The following RUFY3 variants were observed in gnomAD, a reference collection of about 807,000 sequenced individuals.
RUFY3 encodes the protein protein RUFY3.
RUFY3 carries 34 observed loss-of-function variants against 84.0 expected under a neutral mutation model. The observed-to-expected ratio is 0.40, with a 90% CI of 0.31 to 0.54. RUFY3 has a LOEUF of 0.54. RUFY3 is among the 20% of genes least tolerant of loss of function. RUFY3 has a pLI of 0.39. For missense variants in RUFY3, 507 were observed against 736.8 expected (o/e 0.69, Z 3.61); for synonymous variants, 242 against 252.9 (o/e 0.96, Z 0.41).
chr4:70,766,031 G>T (rs1401522588), intron 4 of RUFY3, among the ~76,000 whole-genome samples: 2 of 152,126 alleles, frequency 1.3e-5, no homozygotes, highest in African/African-American at 2.4e-5. Flanking sequence ...AAAGTGCTGG[G>T]ATTACAGGCG....
chr4:70,762,629 G>C lies in RUFY3; in HGVS notation c.289G>C (p.Asp97His). 2.5e-6 allele frequency: 4 copies of C among 1,613,960 alleles called. No homozygotes were observed. The highest frequency in any genetic ancestry group is 3.4e-6 in the Non-Finnish European group (4 of 1,179,972). ...ALNLGRTLDSDYAPLQQFFVV... is the reference protein window; with the variant it reads ...ALNLGRTLDSHYAPLQQFFVV... ...GAACCTGGGGAGGACTCTTGACTCT[G>C]ACTATGCACCTCTCCAGCAATTCTT... The change falls in exon 2 of 18, where the codon GAC (aspartate) becomes CAC (histidine). Residue 97 changes from aspartate to histidine, a missense_variant. Asp to His is a moderately conservative substitution (Grantham distance 81, BLOSUM62 -1). Transcript: ENST00000381006.
chr4:70,806,478 T>C (rs1732863686), intron 17 of RUFY3, 38 bp from the exon 18 acceptor site: 1 of 1,611,068 alleles, frequency 6.2e-7, no homozygotes, highest in Non-Finnish European at 8.5e-7. Flanking sequence ...TATGCCTTGC[T>C]CATCTTCTAT....
chr4:70,736,564 T>G (rs1237834759), intron 1 of RUFY3, among the ~76,000 whole-genome samples: 1 of 147,456 alleles, frequency 6.8e-6, no homozygotes, highest in African/African-American at 2.7e-5. Context: ...GTGCTATAAT[T>G]TCTTTTCTTT....
In RUFY3 at chr4:70,768,293, G is replaced by A. The variant is rs568769092; in HGVS notation, c.573-245G>A. Reference sequence around the variant, plus strand: ...TATTATTTAAAGAATCTATTCATGCGCCTATTATTTTTTTCTTTTAAAAAA... The same window carrying A: ...TATTATTTAAAGAATCTATTCATGCACCTATTATTTTTTTCTTTTAAAAAA... On this transcript the variant is annotated intron_variant, in intron 4 of 17. Transcript: ENST00000381006. Among the ~76,000 whole-genome samples, 17 of 152,128 alleles carry A rather than the reference G, an allele frequency of 1.1e-4. 1 individual carries two copies. The highest frequency in any genetic ancestry group is 3.1e-4 in the African/African-American group (13 of 41,492).
chr4:70,802,953 T>C lies in RUFY3; in HGVS notation c.1623-3T>C. 6.2e-7 allele frequency: 1 copy of C among 1,603,500 alleles called. No homozygotes were observed. Among genetic ancestry groups the C allele is most frequent in the African/African-American group, 1.3e-5 (1 of 74,738 alleles). ...GTCACAATTTTTTACTTCTCCATTG[T>C]AGGCTGCAACCCCACCCTATGGATG... On this transcript the variant is annotated splice_polypyrimidine_tract_variant and splice_region_variant and intron_variant, in intron 15 of 17. Coordinates refer to ENST00000381006, the MANE Select transcript of RUFY3 (RefSeq NM_001037442.4).
chr4:70,757,628 A>G (rs560532401), intron 1 of RUFY3, among the ~76,000 whole-genome samples: 1 of 152,310 alleles, frequency 6.6e-6, no homozygotes, highest in African/African-American at 2.4e-5. Flanking sequence ...TTAAAATAAA[A>G]TAAAATATTT....
chr4:70,806,265 A>G (rs1454707797), intron 17 of RUFY3, among the ~76,000 whole-genome samples: 3 of 152,246 alleles, frequency 2.0e-5, no homozygotes, highest in African/African-American at 7.2e-5. Context: ...TATTCTAAAG[A>G]TAAGTGACTT....
Position 70,750,666 on chromosome 4 carries a change from A to G in RUFY3, c.179-11853A>G, listed in dbSNP as rs148586724. Among the ~76,000 whole-genome samples the G allele has an allele frequency of 1.6e-3, 242 of 152,298 alleles. 3 individuals are homozygous for G. Among genetic ancestry groups the G allele is most frequent in the Non-Finnish European group, 9.8e-4 (67 of 68,026 alleles). ...TATTTTCATCACCTTTTCTAAAAAG[A>G]AACTCTGTACCCATTAATAACCACT... On this transcript the variant is annotated intron_variant, in intron 1 of 17. Coordinates refer to ENST00000381006, the MANE Select transcript of RUFY3 (RefSeq NM_001037442.4).
At chr4:70,778,140 A>C (rs191568007) in intron 7 of RUFY3, among the ~76,000 whole-genome samples, 1 of 152,168 alleles carries the variant, frequency 6.6e-6, no homozygotes, top group Non-Finnish European at 1.5e-5. Context: ...AGACTGAGGC[A>C]AGAGAATCAC....
At chr4:70,801,745 A>G (rs1364447634) in intron 15 of RUFY3, among the ~76,000 whole-genome samples, 1 of 152,212 alleles carries the variant, frequency 6.6e-6, no homozygotes, top group African/African-American at 2.4e-5. Flanking sequence ...CCTTGCTCCC[A>G]AAGAGCATGG....
At position 70,775,150 on chromosome 4, in the gene RUFY3, T is replaced by C; in HGVS notation, c.759-18T>C. On this transcript the variant is annotated intron_variant, in intron 6 of 17. Coordinates refer to ENST00000381006, the MANE Select transcript of RUFY3 (RefSeq NM_001037442.4). Reference sequence around the variant, plus strand: ...TTATGTTATTTATTTTATTTCTATTTTCTTCCCCTTCCCCCAGAGACGGTC... The same window carrying C: ...TTATGTTATTTATTTTATTTCTATTCTCTTCCCCTTCCCCCAGAGACGGTC... 1 of 1,570,990 alleles carries C rather than the reference T, an allele frequency of 6.4e-7. No homozygotes were observed. The highest frequency in any genetic ancestry group is 8.7e-7 in the Non-Finnish European group (1 of 1,149,238).
chr4:70,802,174 T>C lies in RUFY3; in HGVS notation c.1623-782T>C, dbSNP rs1732312891. Among the ~76,000 whole-genome samples the C allele has an allele frequency of 2.0e-5, 3 of 152,342 alleles. No individual in the cohort carries two copies. The South Asian group carries it at 6.2e-4, about 32-fold the overall frequency. On this transcript the variant is annotated intron_variant, in intron 15 of 17. Transcript: ENST00000381006. ...TTAAGTCCTTTGGCTCTGCACTACCTATTAGCAACTTCCAGGACTTATTCT... is the reference window on the plus strand; with the variant it reads ...TTAAGTCCTTTGGCTCTGCACTACCCATTAGCAACTTCCAGGACTTATTCT...
intron 1 of RUFY3, among the ~76,000 whole-genome samples, chr4:70,757,012 T>G (rs1226527466): frequency 6.6e-6 from 1 of 152,214 alleles, no homozygotes; most frequent in African/African-American, 2.4e-5. Flanking sequence ...GACCCATGCC[T>G]GTAATCTCAT....
chr4:70,741,163 T>TA (rs940013896), intron 1 of RUFY3, among the ~76,000 whole-genome samples: 1 of 118,240 alleles, frequency 8.5e-6, no homozygotes, highest in African/African-American at 4.5e-5. Flanking sequence ...AGTATTTGGA[T>TA]TTTTTTTTTT....
At chr4:70,705,410 G>A (rs1740175850) in intron 1 of RUFY3, 4 of 677,816 alleles carry the variant, frequency 5.9e-6, no homozygotes, top group Admixed American at 4.4e-5. Flanking sequence ...CCGGGTGGCC[G>A]GGAGGCGGGG....
At position 70,724,484 on chromosome 4, in the gene RUFY3, T is replaced by C. The variant is rs3775731; in HGVS notation, c.178+1733T>C. ...GAGCTGTTTGGTTCATGTAAGCGTT[T>C]TTAGCAGCGCCATTTGAATTCTTCA... is the stretch of plus-strand genomic sequence containing the variant. On this transcript the variant is annotated intron_variant, in intron 1 of 17. Coordinates refer to ENST00000381006, the MANE Select transcript of RUFY3 (RefSeq NM_001037442.4). Among the ~76,000 whole-genome samples the C allele has an allele frequency of 8.1e-4, 124 of 152,334 alleles. 1 individual carries two copies. The East Asian group carries it at 0.021, about 26-fold the overall frequency.
At chr4:70,773,177 A>C (rs1727274640) in intron 5 of RUFY3, among the ~76,000 whole-genome samples, 1 of 152,200 alleles carries the variant, frequency 6.6e-6, no homozygotes, top group African/African-American at 2.4e-5. Flanking sequence ...TAATTTTTAA[A>C]AAGTTATTTC....
intron 8 of RUFY3, among the ~76,000 whole-genome samples, chr4:70,778,954 AGGGG>A (rs1578189177): frequency 1.3e-5 from 2 of 152,196 alleles, no homozygotes; most frequent in African/African-American, 4.8e-5. Flanking sequence ...TAGACTGTGT[AGGGG>A]CATGTTGCCA....
chr4:70,710,403 G>A (rs1181534856), intron 1 of RUFY3, among the ~76,000 whole-genome samples: 1 of 151,238 alleles, frequency 6.6e-6, no homozygotes, highest in Non-Finnish European at 1.5e-5. Context: ...GGGTGCGGTG[G>A]CTCACGCCTG....
Sources: allele counts gnomAD v4.1 joint callset (sites outside exome capture counted in the v4.1 genomes callset), GRCh38; gene constraint gnomAD v4.1.1; transcripts MANE v1.5; gene names NCBI Gene and HGNC (gene_info 2026-07-23, HGNC 2026-07-21).